Variants in CDH12 observed in about 807,000 individuals in gnomAD.
CDH12 encodes cadherin-12.
CDH12 carries 41 observed loss-of-function variants against 74.1 expected under a neutral mutation model. That is an observed-to-expected ratio of 0.55 (90% CI 0.43 to 0.72). CDH12 has a LOEUF of 0.72. Among genes scored for constraint, CDH12 ranks in the 30% least tolerant of loss-of-function variants. The probability of loss-of-function intolerance (pLI) is 0.00; values close to 1 mark genes in which losing one functional copy is unlikely to be tolerated. For synonymous variants in CDH12, 399 were observed against 355.0 expected, an observed-to-expected ratio of 1.12 and a Z score of -1.39; for missense variants, 945 against 977.2, an observed-to-expected ratio of 0.97 and a Z score of 0.44.
chr5:21,830,309 C>T (rs1394851258), intron 8 of CDH12, among the ~76,000 whole-genome samples: 1 of 148,674 alleles, frequency 6.7e-6, no homozygotes, highest in Non-Finnish European at 1.5e-5. Context: ...TTCATCTCCA[C>T]TCAAGCACGT....
intron 2 of CDH12, among the ~76,000 whole-genome samples, chr5:22,500,103 A>T (rs1297208765): frequency 6.6e-6 from 1 of 152,184 alleles, no homozygotes; most frequent in Non-Finnish European, 1.5e-5. Context: ...CTGATTTAAA[A>T]GAATACTGGG....
At chr5:21,832,471 T>C (rs10058472) in intron 8 of CDH12, among the ~76,000 whole-genome samples, 65,163 of 151,652 alleles carry the variant, frequency 0.43, 17,497 homozygotes, top group African/African-American at 0.76. Flanking sequence ...ATTCAAATTG[T>C]ATTCATTTCC....
intron 6 of CDH12, chr5:21,883,099 A>G: frequency 6.2e-7 from 1 of 1,601,064 alleles, no homozygotes; most frequent in Non-Finnish European, 8.6e-7. Flanking sequence ...GAAATTGCAC[A>G]GGTTGCTATG....
chr5:22,085,356 C>G (rs1417403939), intron 4 of CDH12, among the ~76,000 whole-genome samples: 1 of 151,952 alleles, frequency 6.6e-6, no homozygotes. Context: ...TGAAAAAGGG[C>G]AAATATATTC....
chr5:22,263,529 A>G (rs771713374), intron 3 of CDH12, among the ~76,000 whole-genome samples: 6 of 152,050 alleles, frequency 3.9e-5, no homozygotes, highest in Non-Finnish European at 8.8e-5. Context: ...GTCAAATAAA[A>G]TCTCATCAAC....
intron 5 of CDH12, among the ~76,000 whole-genome samples, chr5:22,072,289 G>C (rs538097702): frequency 6.6e-6 from 1 of 152,144 alleles, no homozygotes; most frequent in South Asian, 2.1e-4. Flanking sequence ...TTCACTCTAA[G>C]TAGTTGGCTT....
chr5:22,501,492 C>G (rs76486574), intron 2 of CDH12, among the ~76,000 whole-genome samples: 2 of 152,216 alleles, frequency 1.3e-5, no homozygotes, highest in East Asian at 3.9e-4. Flanking sequence ...TCAACTGTTT[C>G]TGTATTTTTC....
chr5:22,584,549 T>G (rs1371813674), intron 1 of CDH12, among the ~76,000 whole-genome samples: 3 of 152,220 alleles, frequency 2.0e-5, no homozygotes, highest in African/African-American at 7.2e-5. Flanking sequence ...TTTTGAATTT[T>G]TTTGTGTGTT....
At chr5:22,067,855 G>A (rs958163587) in intron 5 of CDH12, among the ~76,000 whole-genome samples, 5 of 152,084 alleles carry the variant, frequency 3.3e-5, no homozygotes, top group Admixed American at 1.3e-4. Flanking sequence ...GTGTGTGCCT[G>A]TAGTCCCAGC....
chr5:21,842,048 G>T, intron 8 of CDH12, 113 bp downstream of exon 8: 1 of 796,688 alleles, frequency 1.3e-6, no homozygotes, highest in Non-Finnish European at 2.0e-6. Flanking sequence ...ATTAGCTTCT[G>T]CTTCCTAAAG....
chr5:22,192,631 A>G (rs192468549), intron 4 of CDH12, among the ~76,000 whole-genome samples: 8,530 of 152,052 alleles, frequency 0.056, 260 homozygotes, highest in Non-Finnish European at 0.062. Flanking sequence ...ATGTGCCTAC[A>G]AATTATTCAC....
intron 6 of CDH12, chr5:21,883,411 T>C: frequency 1.9e-6 from 3 of 1,568,668 alleles, no homozygotes; most frequent in Non-Finnish European, 2.6e-6. Flanking sequence ...TTGGTGATAA[T>C]CGCTGAAGAT....
chr5:22,326,423 G>T (rs1739107629), intron 3 of CDH12, among the ~76,000 whole-genome samples: 1 of 152,162 alleles, frequency 6.6e-6, no homozygotes, highest in African/African-American at 2.4e-5. Context: ...TTTTAGTAGA[G>T]ACGGGGTTTC....
chr5:22,477,963 T>C (rs1746234076), intron 2 of CDH12, among the ~76,000 whole-genome samples: 1 of 152,210 alleles, frequency 6.6e-6, no homozygotes, highest in South Asian at 2.1e-4. Flanking sequence ...CGTGGCATTT[T>C]CTAAATAAGA....
chr5:22,628,978 A>G (rs567082749), intron 1 of CDH12, among the ~76,000 whole-genome samples: 19 of 152,142 alleles, frequency 1.2e-4, no homozygotes, highest in African/African-American at 4.6e-4. Context: ...GAAAAACTCT[A>G]TGCACATAAA....
intron 1 of CDH12, among the ~76,000 whole-genome samples, chr5:22,648,151 GT>G (rs928936853): frequency 2.0e-5 from 3 of 151,656 alleles, no homozygotes; most frequent in East Asian, 1.9e-4. Context: ...GCTGATGCAA[GT>G]TTTTTTTGAT....
intron 1 of CDH12, among the ~76,000 whole-genome samples, chr5:22,598,566 TC>T (rs1265017950): frequency 6.6e-6 from 1 of 152,182 alleles, no homozygotes; most frequent in Non-Finnish European, 1.5e-5. Context: ...TTGGGGTATT[TC>T]TTCATAGCAG....
At chr5:22,614,293 T>C (rs1737572026) in intron 1 of CDH12, among the ~76,000 whole-genome samples, 1 of 152,092 alleles carries the variant, frequency 6.6e-6, no homozygotes, top group Admixed American at 6.6e-5. Flanking sequence ...AAAGCAGACA[T>C]ACATTATTCA....
intron 1 of CDH12, among the ~76,000 whole-genome samples, chr5:22,732,773 T>C (rs536294154): frequency 6.6e-6 from 1 of 151,856 alleles, no homozygotes; most frequent in South Asian, 2.1e-4. Context: ...TGGGGCAGAT[T>C]CTTCTTTGCA....
Sources: gnomAD v4.1 joint callset for allele counts (sites outside exome capture counted in the v4.1 genomes callset) on GRCh38, gnomAD v4.1.1 for gene constraint, MANE v1.5 for transcripts, NCBI Gene and HGNC (gene_info 2026-07-23, HGNC 2026-07-21) for gene names.